The following SOX6 variants were observed in gnomAD, a reference collection of about 807,000 sequenced individuals.
SOX6 encodes the protein SRY-box transcription factor 6.
In SOX6, 11 loss-of-function variants were observed where a neutral mutation model predicts 97.8. The observed-to-expected ratio is 0.11, with a 90% CI of 0.07 to 0.19. The LOEUF is 0.19. Ranked by LOEUF, SOX6 falls within the 10% of genes least tolerant of loss-of-function variation. SOX6 has a pLI of 1.00. For synonymous variants in SOX6, 360 were observed against 371.4 expected (o/e 0.97, Z 0.35); for missense variants, 810 against 1,039.5 (o/e 0.78, Z 3.04).
At chr11:16,557,192 ATAAT>A (rs1847758627) in intron 4 of SOX6, among the ~76,000 whole-genome samples, 1 of 151,890 alleles carries the variant, frequency 6.6e-6, no homozygotes. Flanking sequence ...CCTCTTGAGT[ATAAT>A]TAAAGTTTAT....
intron 4 of SOX6, among the ~76,000 whole-genome samples, chr11:16,585,639 G>A (rs1848082730): frequency 6.6e-6 from 1 of 151,808 alleles, no homozygotes; most frequent in Non-Finnish European, 1.5e-5. Context: ...TAATGGGGCG[G>A]GGGAGTCAAC....
intron 9 of SOX6, among the ~76,000 whole-genome samples, chr11:16,068,075 G>C (rs1160411898): frequency 1.3e-5 from 2 of 152,192 alleles, no homozygotes; most frequent in African/African-American, 2.4e-5. Flanking sequence ...GGGGACAATA[G>C]AAGTTGGAGG....
At chr11:16,597,679 G>GAT (rs931431098) in intron 4 of SOX6, among the ~76,000 whole-genome samples, 4 of 151,842 alleles carry the variant, frequency 2.6e-5, no homozygotes, top group African/African-American at 9.7e-5. Flanking sequence ...GTTAATCATT[G>GAT]ATATATATAA....
Position 16,318,527 on chromosome 11 carries a change from G to A in SOX6, c.364C>T (p.Arg122Cys), listed in dbSNP as rs769385306. The part of the protein sequence containing the change: ...MTSVTFGTPE[R>C]RKGSLADVVD... The stretch of plus-strand genomic sequence containing the variant: ...ACATCGGCAAGACTCCCTTTGCGGC[G>A]CTCTGGGGTTCCAAAAGTAACACTG... The change falls in exon 3 of 16, where the codon CGC (arginine) becomes TGC (cysteine). Residue 122 changes from arginine (R) to cysteine (C), a missense_variant. Transcript: ENST00000683767. 1.2e-6 allele frequency: 2 copies of A among 1,613,620 alleles called. No individual in the cohort carries two copies. Among genetic ancestry groups the A allele is most frequent in the South Asian group, 1.1e-5 (1 of 91,070 alleles).
intron 4 of SOX6, among the ~76,000 whole-genome samples, chr11:16,532,659 C>G (rs765756189): frequency 1.3e-5 from 2 of 151,754 alleles, no homozygotes; most frequent in Non-Finnish European, 1.5e-5. Context: ...AAAAACAGAC[C>G]TAGTCATAAT....
intron 4 of SOX6, among the ~76,000 whole-genome samples, chr11:16,502,508 G>T (rs919746583): frequency 1.3e-5 from 2 of 151,498 alleles, no homozygotes; most frequent in African/African-American, 2.4e-5. Flanking sequence ...TGAGAAATTT[G>T]CCAAAGAGAT....
chr11:16,166,924 T>C (rs538811185), intron 6 of SOX6, among the ~76,000 whole-genome samples: 4 of 152,286 alleles, frequency 2.6e-5, no homozygotes, highest in Non-Finnish European at 5.9e-5. Flanking sequence ...ATAGCTTTAC[T>C]GAGAGTAGGA....
intron 9 of SOX6, among the ~76,000 whole-genome samples, chr11:16,060,837 A>G (rs1476607923): frequency 6.6e-6 from 1 of 151,876 alleles, no homozygotes; most frequent in Non-Finnish European, 1.5e-5. Context: ...TTTAAACTTC[A>G]TGTGTAATTA....
intron 3 of SOX6, among the ~76,000 whole-genome samples, chr11:16,253,593 T>C (rs922811065): frequency 3.3e-5 from 5 of 152,014 alleles, no homozygotes; most frequent in African/African-American, 1.2e-4. Flanking sequence ...GAAGAATGCC[T>C]TTGCTGGGCT....
At position 15,967,485 on chromosome 11, in the gene SOX6, T is replaced by G. The variant is rs1196503840; in HGVS notation, c.*5324A>C. 6.6e-6 allele frequency: 1 copy of G among 152,222 alleles called. No homozygotes were observed. Among genetic ancestry groups the G allele is most frequent in the African/African-American group, 2.4e-5 (1 of 41,444 alleles). The allele number at this position is 152,222 out of a possible 1,614,324, so 9.4% of individuals were successfully genotyped here. On this transcript the variant is annotated 3_prime_UTR_variant, in exon 16 of 16. Coordinates refer to ENST00000683767, the MANE Select transcript of SOX6 (RefSeq NM_001367873.1). ...GGGAAATAAAAGAGTTACAGTAAGA[T>G]AAGTTATGTAGTAACAGCTTATAAG... is the stretch of plus-strand genomic sequence containing the variant.
At chr11:16,492,128 A>G (rs1860517820) in intron 4 of SOX6, among the ~76,000 whole-genome samples, 1 of 152,212 alleles carries the variant, frequency 6.6e-6, no homozygotes, top group Non-Finnish European at 1.5e-5. Context: ...AAACGGGAAA[A>G]GTAGATAAAT....
At chr11:16,574,420 T>C (rs1254799315) in intron 4 of SOX6, among the ~76,000 whole-genome samples, 1 of 152,070 alleles carries the variant, frequency 6.6e-6, no homozygotes, top group African/African-American at 2.4e-5. Flanking sequence ...CTGGGATAGC[T>C]GGACATCCAT....
intron 3 of SOX6, among the ~76,000 whole-genome samples, chr11:16,301,977 C>T (rs181344525): frequency 2.0e-5 from 3 of 152,156 alleles, no homozygotes; most frequent in Admixed American, 1.3e-4. Context: ...CTAATAGCCC[C>T]ACCATTAAAT....
intron 9 of SOX6, among the ~76,000 whole-genome samples, chr11:16,064,672 C>T (rs1435100762): frequency 1.3e-5 from 2 of 151,546 alleles, no homozygotes; most frequent in Non-Finnish European, 3.0e-5. Flanking sequence ...TCATCATGAC[C>T]AAGTGGGATT....
chr11:16,558,557 A>G (rs1025649352), intron 4 of SOX6, among the ~76,000 whole-genome samples: 1 of 152,006 alleles, frequency 6.6e-6, no homozygotes, highest in Admixed American at 6.6e-5. Context: ...ACTTTTACCC[A>G]AAGCAGAAAC....
At chr11:16,396,580 T>G (rs368040009) in intron 1 of SOX6, among the ~76,000 whole-genome samples, 1 of 151,644 alleles carries the variant, frequency 6.6e-6, no homozygotes, top group East Asian at 1.9e-4. Context: ...TGTGTGGAAT[T>G]GCAATGTAAG....
intron 4 of SOX6, among the ~76,000 whole-genome samples, chr11:16,566,433 T>G (rs894662651): frequency 3.3e-5 from 5 of 152,248 alleles, no homozygotes; most frequent in Admixed American, 6.5e-5. Flanking sequence ...CAATAAACAA[T>G]ACCATGTAGT....
intron 3 of SOX6, among the ~76,000 whole-genome samples, chr11:16,269,667 T>C (rs61881745): frequency 0.12 from 18,195 of 150,990 alleles, 1,507 homozygotes; most frequent in South Asian, 0.19. Flanking sequence ...TTCTTTTAAG[T>C]TTACTCCTAA....
intron 6 of SOX6, among the ~76,000 whole-genome samples, chr11:16,180,507 C>T (rs928111146): frequency 1.3e-5 from 2 of 151,436 alleles, no homozygotes; most frequent in Non-Finnish European, 3.0e-5. Flanking sequence ...TATTTTTTTC[C>T]TGGGCTCCAT....
Sources: allele counts gnomAD v4.1 joint callset (sites outside exome capture counted in the v4.1 genomes callset), GRCh38; gene constraint gnomAD v4.1.1; transcripts MANE v1.5; gene names NCBI Gene and HGNC (gene_info 2026-07-23, HGNC 2026-07-21).